RBFOX1: variants seen among roughly 807,000 people sequenced by gnomAD.
RBFOX1 encodes the protein RNA binding fox-1 homolog 1.
In RBFOX1, 8 loss-of-function variants were observed where a neutral mutation model predicts 57.7. The ratio of observed to expected loss-of-function variants is 0.14; its 90% confidence interval spans 0.08 to 0.25. The LOEUF is 0.25. Ranked by LOEUF, RBFOX1 falls within the 10% of genes least tolerant of loss-of-function variation. The pLI, the probability that RBFOX1 is intolerant of heterozygous loss-of-function variation, is 1.00. For synonymous variants in RBFOX1, 326 were observed against 222.4 expected, an observed-to-expected ratio of 1.47 and a Z score of -4.15; for missense variants, 611 against 548.5, an observed-to-expected ratio of 1.11 and a Z score of -1.14.
intron 4 of RBFOX1, among the ~76,000 whole-genome samples, chr16:7,074,042 G>T (rs532061613): frequency 2.0e-5 from 3 of 151,882 alleles, no homozygotes; most frequent in African/African-American, 7.3e-5. Flanking sequence ...CTTTTGTTTT[G>T]TAACAAGAAG....
chr16:6,634,530 C>G (rs189330740), intron 2 of RBFOX1, among the ~76,000 whole-genome samples: 4 of 147,516 alleles, frequency 2.7e-5, no homozygotes, highest in African/African-American at 9.8e-5. Context: ...ATGATATATA[C>G]TTTTATATTT....
chr16:6,256,378 C>A (rs2097667356), intron 1 of RBFOX1, among the ~76,000 whole-genome samples: 1 of 148,480 alleles, frequency 6.7e-6, no homozygotes, highest in Admixed American at 6.9e-5. Flanking sequence ...GGTAAGAGGA[C>A]TGAGGCAGAA....
At chr16:6,882,237 G>A (rs2063096119) in intron 3 of RBFOX1, among the ~76,000 whole-genome samples, 1 of 152,104 alleles carries the variant, frequency 6.6e-6, no homozygotes, top group Non-Finnish European at 1.5e-5. Flanking sequence ...CTCCACCTTA[G>A]AGAGATGGAG....
At chr16:7,700,329 G>C (rs2080256335) in intron 14 of RBFOX1, among the ~76,000 whole-genome samples, 1 of 152,096 alleles carries the variant, frequency 6.6e-6, no homozygotes, top group Non-Finnish European at 1.5e-5. Context: ...CTTGTACGAT[G>C]AGGATGCACC....
intron 4 of RBFOX1, among the ~76,000 whole-genome samples, chr16:7,086,363 C>T (rs968172232): frequency 6.6e-6 from 1 of 152,116 alleles, no homozygotes; most frequent in African/African-American, 2.4e-5. Context: ...TTCCCCCTCT[C>T]CCCTTCTGTA....
intron 2 of RBFOX1, among the ~76,000 whole-genome samples, chr16:6,362,050 C>G (rs1375016089): frequency 6.6e-6 from 1 of 152,106 alleles, no homozygotes; most frequent in Non-Finnish European, 1.5e-5. Flanking sequence ...TGAAGCAAAT[C>G]CTTTCTGACT....
At chr16:6,919,769 CT>C (rs57240620) in intron 3 of RBFOX1, among the ~76,000 whole-genome samples, 6,429 of 123,450 alleles carry the variant, frequency 0.052, 451 homozygotes, top group African/African-American at 0.18. Flanking sequence ...TAAGATCATT[CT>C]TTTTTTTTTT....
intron 13 of RBFOX1, among the ~76,000 whole-genome samples, chr16:7,674,042 G>A (rs1325225109): frequency 6.6e-6 from 1 of 152,176 alleles, no homozygotes; most frequent in African/African-American, 2.4e-5. Context: ...CAAGTCACCT[G>A]TTAGGAAAAT....
At chr16:6,421,168 A>G (rs985925999) in intron 2 of RBFOX1, among the ~76,000 whole-genome samples, 5 of 152,128 alleles carry the variant, frequency 3.3e-5, no homozygotes, top group Non-Finnish European at 7.4e-5. Context: ...TCTTGATCCA[A>G]TTTCAGGAAT....
chr16:6,895,065 T>C (rs1255860046), intron 3 of RBFOX1, among the ~76,000 whole-genome samples: 2 of 152,128 alleles, frequency 1.3e-5, no homozygotes. Context: ...GATAAATACA[T>C]CTTTAATAAA....
intron 4 of RBFOX1, among the ~76,000 whole-genome samples, chr16:5,953,261 A>G (rs777924519): frequency 1.1e-4 from 16 of 152,208 alleles, no homozygotes; most frequent in Non-Finnish European, 1.6e-4. Flanking sequence ...AGGATGCCCA[A>G]TGAAACTGGA....
intron 1 of RBFOX1, among the ~76,000 whole-genome samples, chr16:5,322,444 A>C (rs2064437430): frequency 6.6e-6 from 1 of 152,130 alleles, no homozygotes; most frequent in Non-Finnish European, 1.5e-5. Context: ...TGCCCTGGGC[A>C]TGGCCAGAGG....
chr16:7,475,911 T>A (rs904994332), intron 4 of RBFOX1, among the ~76,000 whole-genome samples: 1 of 152,216 alleles, frequency 6.6e-6, no homozygotes, highest in Non-Finnish European at 1.5e-5. Context: ...TCACATCATG[T>A]CTGGCAGTGT....
intron 2 of RBFOX1, among the ~76,000 whole-genome samples, chr16:6,335,804 AAAG>A: frequency 6.6e-6 from 1 of 150,632 alleles, no homozygotes; most frequent in Admixed American, 6.6e-5. Flanking sequence ...AAAAAAAAGA[AAAG>A]AAAAGAAAAG....
intron 1 of RBFOX1, among the ~76,000 whole-genome samples, chr16:5,369,204 G>T (rs552368790): frequency 5.3e-5 from 8 of 152,202 alleles, no homozygotes; most frequent in African/African-American, 1.9e-4. Flanking sequence ...GTTTTACCAT[G>T]TTGGCCAGGA....
At chr16:6,070,601 G>A (rs1433539095) in intron 1 of RBFOX1, among the ~76,000 whole-genome samples, 1 of 152,162 alleles carries the variant, frequency 6.6e-6, no homozygotes, top group Non-Finnish European at 1.5e-5. Context: ...AGCTGGCTAT[G>A]GAGAGGCAAA....
In RBFOX1 at chr16:6,638,671, A is replaced by T. The variant is rs545982255; in HGVS notation, c.-63-15932A>T. Among the ~76,000 whole-genome samples the T allele has an allele frequency of 5.3e-5, 8 of 152,288 alleles. No homozygotes were observed. In the East Asian group the frequency reaches 1.5e-3, roughly 29 times the overall value. On this transcript the variant is annotated intron_variant, in intron 2 of 15. Coordinates refer to ENST00000550418, the MANE Select transcript of RBFOX1 (RefSeq NM_018723.4). Reference sequence around the variant, plus strand: ...AATGTTTAGCCCTTTAATGCCAAATATTACACATTTAATGTTGTCTTATTA... The same window carrying T: ...AATGTTTAGCCCTTTAATGCCAAATTTTACACATTTAATGTTGTCTTATTA...
intron 3 of RBFOX1, among the ~76,000 whole-genome samples, chr16:6,699,717 G>C (rs1170114223): frequency 6.6e-6 from 1 of 152,152 alleles, no homozygotes. Flanking sequence ...TAAAATGAAT[G>C]ATCAGGCATG....
chr16:6,603,147 A>T (rs923935933), intron 2 of RBFOX1, among the ~76,000 whole-genome samples: 10 of 152,202 alleles, frequency 6.6e-5, no homozygotes, highest in African/African-American at 2.4e-4. Flanking sequence ...TACAGATCTA[A>T]AGAGAGACCA....
Sources: allele counts gnomAD v4.1 joint callset (sites outside exome capture counted in the v4.1 genomes callset), GRCh38; gene constraint gnomAD v4.1.1; transcripts MANE v1.5; gene names NCBI Gene and HGNC (gene_info 2026-07-23, HGNC 2026-07-21).